The following CERS6 variants were observed in gnomAD, a reference collection of about 807,000 sequenced individuals.
CERS6 encodes ceramide synthase 6, also known as LAG1 homolog, ceramide synthase 6.
CERS6 carries 26 observed loss-of-function variants against 56.8 expected under a neutral mutation model. The observed-to-expected ratio is 0.46, with a 90% CI of 0.34 to 0.63. CERS6 has a LOEUF of 0.63. Among genes scored for constraint, CERS6 ranks in the 30% least tolerant of loss-of-function variants. The pLI is 0.01. For synonymous variants in CERS6, 164 were observed against 173.3 expected, an observed-to-expected ratio of 0.95 and a Z score of 0.42; for missense variants, 415 against 467.5, an observed-to-expected ratio of 0.89 and a Z score of 1.04.
intron 1 of CERS6, among the ~76,000 whole-genome samples, chr2:168,536,384 A>G (rs1239497952): frequency 6.6e-6 from 1 of 152,160 alleles, no homozygotes; most frequent in Non-Finnish European, 1.5e-5. Context: ...AGTTAACAAC[A>G]TTGTATTGTT....
At chr2:168,511,237 T>C (rs1694782310) in intron 1 of CERS6, among the ~76,000 whole-genome samples, 1 of 152,218 alleles carries the variant, frequency 6.6e-6, no homozygotes, top group Non-Finnish European at 1.5e-5. Flanking sequence ...CTACATTTTG[T>C]TAGAGCACAT....
intron 3 of CERS6, among the ~76,000 whole-genome samples, chr2:168,580,559 TAAAC>T (rs1298861672): frequency 1.3e-5 from 2 of 152,194 alleles, no homozygotes; most frequent in East Asian, 3.8e-4. Context: ...TTATTAACCT[TAAAC>T]AACAGAGACA....
At chr2:168,499,402 T>C (rs975246191) in intron 1 of CERS6, among the ~76,000 whole-genome samples, 2 of 152,146 alleles carry the variant, frequency 1.3e-5, no homozygotes, top group Admixed American at 1.3e-4. Context: ...ATTTTGATCA[T>C]CAGAAAAAGG....
rs116950725 is a variant in CERS6 at position 168,729,528 on chromosome 2, G to A, written c.845+11550G>A. Reference sequence around the variant, plus strand: ...TAAGCTCAGCCTTGGACTGCCATGTGCCTGTCCTTTGCCTTCTTCCCTGTG... The same window carrying A: ...TAAGCTCAGCCTTGGACTGCCATGTACCTGTCCTTTGCCTTCTTCCCTGTG... On this transcript the variant is annotated intron_variant, in intron 8 of 9. Coordinates refer to ENST00000305747, the MANE Select transcript of CERS6 (RefSeq NM_203463.3). Among the ~76,000 whole-genome samples the A allele has an allele frequency of 3.0e-4, 46 of 152,272 alleles. 1 individual carries two copies. The East Asian group carries it at 8.9e-3, about 29-fold the overall frequency.
At chr2:168,662,731 T>TCAAACAAA (rs148658074) in intron 4 of CERS6, among the ~76,000 whole-genome samples, 1 of 151,918 alleles carries the variant, frequency 6.6e-6, no homozygotes, top group African/African-American at 2.4e-5. Context: ...AAACCCTGTC[T>TCAAACAAA]CAAACAAACA....
intron 8 of CERS6, among the ~76,000 whole-genome samples, chr2:168,738,744 G>A (rs980081216): frequency 1.3e-5 from 2 of 152,098 alleles, no homozygotes; most frequent in African/African-American, 4.8e-5. Context: ...TAACCAACAG[G>A]GATACAAAAT....
chr2:168,681,725 A>G (rs1686220952), intron 4 of CERS6, among the ~76,000 whole-genome samples: 2 of 152,186 alleles, frequency 1.3e-5, no homozygotes. Flanking sequence ...ACTGTAGAGT[A>G]CTAGGACTGT....
At position 168,505,382 on chromosome 2, in the gene CERS6, CAAA is replaced by C. The variant is rs370477008; in HGVS notation, c.171-42197_171-42195del. 3.8e-3 allele frequency among the ~76,000 whole-genome samples: 362 copies of C among 96,376 alleles called. 3 individuals are homozygous for C. The highest frequency in any genetic ancestry group is 9.5e-3 in the African/African-American group (240 of 25,248). 63.2% of individuals were successfully genotyped at this position (96,376 alleles called of 152,430 possible). A position where few individuals can be genotyped will look rare whatever the true frequency, so the allele number is the denominator to read the frequency against. On this transcript the variant is annotated intron_variant, in intron 1 of 9. Transcript: ENST00000305747. ...GGGCAACAGAGTGAGACCCTGTTTC[CAAA>C]AAAAAAAAAAAAAAAAGAAAAAAAA...
In CERS6 at chr2:168,755,050, G is replaced by A. The variant is rs147106516; in HGVS notation, c.846-10542G>A. 2.8e-3 allele frequency among the ~76,000 whole-genome samples: 428 copies of A among 152,308 alleles called. 2 individuals carry two copies. Among genetic ancestry groups the A allele is most frequent in the African/African-American group, 9.7e-3 (405 of 41,564 alleles). ...CTCCCAAAGCTCTGGGATTACAGGC[G>A]TGAGCCACCATGCCCAGCCCATGTT... On this transcript the variant is annotated intron_variant, in intron 8 of 9. Transcript: ENST00000305747.
rs548193667 is a variant in CERS6 at position 168,591,262 on chromosome 2, T to TAC, written c.407+29942_407+29943dup. On this transcript the variant is annotated intron_variant, in intron 3 of 9. Transcript: ENST00000305747. Reference sequence around the variant, plus strand: ...GACTTTTAAATTATTCAAAATTCTCTACATAGTATTGTTAGTGCTATTTCT... The same window carrying TAC: ...GACTTTTAAATTATTCAAAATTCTCTACACATAGTATTGTTAGTGCTATTTCT... Among the ~76,000 whole-genome samples the TAC allele has an allele frequency of 7.5e-4, 115 of 152,364 alleles. 1 individual carries two copies. The highest frequency in any genetic ancestry group is 1.2e-3 in the Non-Finnish European group (79 of 68,032).
At chr2:168,534,902 G>A (rs1279553167) in intron 1 of CERS6, among the ~76,000 whole-genome samples, 2 of 152,200 alleles carry the variant, frequency 1.3e-5, no homozygotes, top group Non-Finnish European at 2.9e-5. Flanking sequence ...AAGGAGATCC[G>A]TATTCTGTCC....
chr2:168,709,757 CT>C lies in CERS6; in HGVS notation c.610-5241del, dbSNP rs369098798. On this transcript the variant is annotated intron_variant, in intron 6 of 9. Transcript: ENST00000305747. Reference sequence around the variant, plus strand: ...ACTGTGTCTATGTGTGCACTAATCACTTTCAGCAGTTGCAAATATAAGGATG... The same window carrying C: ...ACTGTGTCTATGTGTGCACTAATCACTTCAGCAGTTGCAAATATAAGGATG... 1.6e-4 allele frequency among the ~76,000 whole-genome samples: 24 copies of C among 152,260 alleles called. No homozygotes were observed. In the East Asian group the frequency reaches 4.4e-3, roughly 28 times the overall value.
rs377752533 is a variant in CERS6 at position 168,676,748 on chromosome 2, C to A, written c.466-14286C>A. Among the ~76,000 whole-genome samples, 7 of 152,314 alleles carry A rather than the reference C, an allele frequency of 4.6e-5. No individual in the cohort carries two copies. In the South Asian group the frequency reaches 1.2e-3, roughly 27 times the overall value. On this transcript the variant is annotated intron_variant, in intron 4 of 9. Coordinates refer to ENST00000305747, the MANE Select transcript of CERS6 (RefSeq NM_203463.3). ...TGAGAATCACACAAGTTTCTTCCCG[C>A]CTTTTTGCCCCAGAAGTGCTGCATG...
At position 168,547,610 on chromosome 2, in the gene CERS6, C is replaced by G. The variant is rs146638314; in HGVS notation, c.185C>G (p.Pro62Arg). The G allele has an allele frequency of 8.8e-4, 1,415 of 1,612,766 alleles. No individual in the cohort carries two copies. Among genetic ancestry groups the G allele is most frequent in the Non-Finnish European group, 1.1e-3 (1,305 of 1,178,810 alleles). ...RLIFERFVAK[P>R]CAIALNIQAN... ...GTAATTTTTAGATTTGTAGCCAAAC[C>G]GTGCGCCATAGCCCTCAACATTCAG... The change falls in exon 2 of 10, where the codon CCG (proline) becomes CGG (arginine). Residue 62 changes from proline (P) to arginine (R), a missense_variant. Pro to Arg is a moderately radical substitution (Grantham distance 103, BLOSUM62 -2). Transcript: ENST00000305747.
chr2:168,767,825 G>C (rs752927746), intron 9 of CERS6, among the ~76,000 whole-genome samples: 2 of 152,088 alleles, frequency 1.3e-5, no homozygotes, highest in African/African-American at 2.4e-5. Context: ...TACCTCCCAG[G>C]AGACTTTGCC....
intron 8 of CERS6, among the ~76,000 whole-genome samples, chr2:168,747,683 T>C (rs896813466): frequency 1.3e-5 from 2 of 152,202 alleles, no homozygotes; most frequent in Non-Finnish European, 2.9e-5. Flanking sequence ...TATTTGATCA[T>C]ATAGTTTAAA....
chr2:168,494,810 C>G (rs1694437016), intron 1 of CERS6, among the ~76,000 whole-genome samples: 1 of 152,156 alleles, frequency 6.6e-6, no homozygotes, highest in Non-Finnish European at 1.5e-5. Context: ...CCCTAGTGAC[C>G]TCCACCTGGC....
chr2:168,634,216 T>G (rs542505353), intron 4 of CERS6, among the ~76,000 whole-genome samples: 1 of 152,342 alleles, frequency 6.6e-6, no homozygotes, highest in African/African-American at 2.4e-5. Flanking sequence ...ATAATCTTAT[T>G]CTATAATTGC....
chr2:168,577,972 G>A (rs141048745), intron 3 of CERS6, among the ~76,000 whole-genome samples: 1 of 152,186 alleles, frequency 6.6e-6, no homozygotes, highest in East Asian at 1.9e-4. Flanking sequence ...AGTAGGGTGC[G>A]GTCACTCACA....
Sources: gnomAD v4.1 joint callset for allele counts (sites outside exome capture counted in the v4.1 genomes callset) on GRCh38, gnomAD v4.1.1 for gene constraint, MANE v1.5 for transcripts, NCBI Gene and HGNC (gene_info 2026-07-23, HGNC 2026-07-21) for gene names.